Variants in TCF7L1 observed in about 807,000 individuals in gnomAD.
The protein encoded by TCF7L1 is transcription factor 7 like 1.
Under a neutral mutation model 63.7 loss-of-function variants are expected in TCF7L1, and 18 were observed. The ratio of observed to expected loss-of-function variants is 0.28; its 90% CI spans 0.20 to 0.42. TCF7L1 has a LOEUF of 0.42. Ranked by LOEUF, TCF7L1 falls within the 10% of genes least tolerant of loss-of-function variation. TCF7L1 has a pLI of 1.00. For synonymous variants in TCF7L1, 355 were observed against 340.9 expected, an observed-to-expected ratio of 1.04 and a Z score of -0.46; for missense variants, 654 against 779.3, an observed-to-expected ratio of 0.84 and a Z score of 1.91.
At chr2:85,138,589 G>A (rs921804710) in intron 3 of TCF7L1, among the ~76,000 whole-genome samples, 17 of 152,006 alleles carry the variant, frequency 1.1e-4, no homozygotes, top group Admixed American at 3.3e-4. Context: ...TGAAGTTTTC[G>A]CCCTTGGATT....
At chr2:85,219,476 T>C (rs1292720375) in intron 3 of TCF7L1, among the ~76,000 whole-genome samples, 1 of 152,188 alleles carries the variant, frequency 6.6e-6, no homozygotes, top group Non-Finnish European at 1.5e-5. Context: ...TATGTGGCCA[T>C]CTATGTATTA....
chr2:85,220,262 A>G (rs1006769347), intron 3 of TCF7L1, among the ~76,000 whole-genome samples: 3 of 152,130 alleles, frequency 2.0e-5, no homozygotes, highest in African/African-American at 7.2e-5. Context: ...TCTTTAAGAA[A>G]AAAAAGAGGT....
intron 3 of TCF7L1, among the ~76,000 whole-genome samples, chr2:85,199,059 G>T (rs944717712): frequency 1.3e-5 from 2 of 152,190 alleles, no homozygotes; most frequent in Non-Finnish European, 2.9e-5. Flanking sequence ...AGTTTTCCCA[G>T]ACTGTGAGGC....
intron 3 of TCF7L1, among the ~76,000 whole-genome samples, chr2:85,223,205 C>G (rs766562686): frequency 1.3e-5 from 2 of 152,182 alleles, no homozygotes; most frequent in Non-Finnish European, 2.9e-5. Context: ...CCTCAGCCTC[C>G]TGAGTAGCTG....
chr2:85,190,499 G>A (rs555208654), intron 3 of TCF7L1, among the ~76,000 whole-genome samples: 1 of 152,238 alleles, frequency 6.6e-6, no homozygotes, highest in African/African-American at 2.4e-5. Context: ...ACCAGTTGGT[G>A]GTAGATGTGG....
At chr2:85,150,683 G>A (rs749085080) in intron 3 of TCF7L1, among the ~76,000 whole-genome samples, 2 of 151,610 alleles carry the variant, frequency 1.3e-5, no homozygotes. Flanking sequence ...CCTCAGGAAC[G>A]TTATCTATTT....
intron 3 of TCF7L1, among the ~76,000 whole-genome samples, chr2:85,158,923 T>C (rs568163296): frequency 1.3e-5 from 2 of 152,246 alleles, no homozygotes; most frequent in African/African-American, 4.8e-5. Flanking sequence ...CTAAGGTAGA[T>C]CTCTGTTACT....
At chr2:85,216,976 C>A (rs1414301776) in intron 3 of TCF7L1, 1 of 152,176 alleles carries the variant, frequency 6.6e-6, no homozygotes, top group African/African-American at 2.4e-5. Context: ...TGTGTCCCAG[C>A]AAGGAAGAGT....
chr2:85,193,341 C>T (rs1490557300), intron 3 of TCF7L1, among the ~76,000 whole-genome samples: 2 of 152,094 alleles, frequency 1.3e-5, no homozygotes, highest in Admixed American at 1.3e-4. Flanking sequence ...GATATTTAGT[C>T]TGGGTGGGAT....
intron 3 of TCF7L1, among the ~76,000 whole-genome samples, chr2:85,222,140 G>A (rs1454500326): frequency 6.6e-6 from 1 of 152,024 alleles, no homozygotes; most frequent in African/African-American, 2.4e-5. Context: ...TCAGGAGTTC[G>A]AGACCAGCCT....
At chr2:85,227,318 G>A (rs1010187754) in intron 3 of TCF7L1, among the ~76,000 whole-genome samples, 32 of 152,156 alleles carry the variant, frequency 2.1e-4, no homozygotes, top group Admixed American at 1.3e-3. Flanking sequence ...AGGCCTTGGC[G>A]ACCTGTTCTT....
rs192384123 is a variant in TCF7L1, at chr2:85,295,262, C to T, written c.526-7222C>T. On this transcript the variant is annotated intron_variant, in intron 4 of 11. Transcript: ENST00000282111. ...TGTCACCCAGGCTGGAGTGCAATGACGCGATCTTGGCTCACCGCAACCTTT... is the reference window on the plus strand; with the variant it reads ...TGTCACCCAGGCTGGAGTGCAATGATGCGATCTTGGCTCACCGCAACCTTT... Among the ~76,000 whole-genome samples, 696 of 152,210 alleles carry T rather than the reference C, an allele frequency of 4.6e-3. 7 individuals carry two copies. Among genetic ancestry groups the T allele is most frequent in the African/African-American group, 0.016 (646 of 41,530 alleles).
intron 3 of TCF7L1, among the ~76,000 whole-genome samples, chr2:85,218,640 G>T (rs1679766799): frequency 1.9e-5 from 2 of 104,574 alleles, no homozygotes; most frequent in Admixed American, 9.4e-5. Context: ...TTATTCCAAT[G>T]GGGGGGGGAA....
At chr2:85,267,809 C>T (rs1335204589) in intron 3 of TCF7L1, among the ~76,000 whole-genome samples, 1 of 152,154 alleles carries the variant, frequency 6.6e-6, no homozygotes, top group Non-Finnish European at 1.5e-5. Context: ...CATGGAGTAT[C>T]TGGCACAAGG....
intron 3 of TCF7L1, among the ~76,000 whole-genome samples, chr2:85,269,934 T>A (rs1361419911): frequency 4.6e-5 from 7 of 152,194 alleles, no homozygotes; most frequent in Non-Finnish European, 1.0e-4. Flanking sequence ...CTTATTCTCC[T>A]GTGTTCTTGT....
At chr2:85,189,028 T>C (rs1353451434) in intron 3 of TCF7L1, among the ~76,000 whole-genome samples, 1 of 152,184 alleles carries the variant, frequency 6.6e-6, no homozygotes, top group African/African-American at 2.4e-5. Context: ...CAGAGCATCG[T>C]CCCTTCCAAA....
At chr2:85,308,382 ACCTTCCCTCCCATTCT>A (rs1682172771) in intron 11 of TCF7L1, among the ~76,000 whole-genome samples, 5 of 35,518 alleles carry the variant, frequency 1.4e-4, no homozygotes, top group East Asian at 8.3e-4. Flanking sequence ...CCTCCCTTTC[ACCTTCCCTCCCATTCT>A]CCTTCCCTCC....
chr2:85,209,311 G>A (rs1679490070), intron 3 of TCF7L1, among the ~76,000 whole-genome samples: 1 of 152,244 alleles, frequency 6.6e-6, no homozygotes, highest in Admixed American at 6.5e-5. Context: ...TGTGGACACA[G>A]TTATATGTGA....
intron 3 of TCF7L1, among the ~76,000 whole-genome samples, chr2:85,153,621 G>C (rs144485132): frequency 2.0e-5 from 3 of 151,888 alleles, no homozygotes; most frequent in South Asian, 2.1e-4. Flanking sequence ...GATTACAGGC[G>C]TGAGCCACTG....
Sources: allele counts gnomAD v4.1 joint callset (sites outside exome capture counted in the v4.1 genomes callset), GRCh38; gene constraint gnomAD v4.1.1; transcripts MANE v1.5; gene names NCBI Gene and HGNC (gene_info 2026-07-23, HGNC 2026-07-21).